DNAAF5: variants seen among roughly 807,000 people sequenced by gnomAD.
DNAAF5 encodes dynein axonemal assembly factor 5, also known as HEAT repeat containing 2.
In DNAAF5, 64 loss-of-function variants were observed where a neutral mutation model predicts 75.8. The observed-to-expected ratio is 0.84, with a 90% CI of 0.69 to 1.04. The LOEUF (loss-of-function observed/expected upper bound fraction) is 1.04. Ranked by LOEUF, DNAAF5 falls within the 50% of genes least tolerant of loss-of-function variation. DNAAF5 has a pLI of 0.00. For synonymous variants in DNAAF5, 657 were observed against 557.2 expected (o/e 1.18, Z -2.52); for missense variants, 1,269 against 1,178.5 (o/e 1.08, Z -1.12).
chr7:756,213 G>T (rs1433192712), intron 5 of DNAAF5, among the ~76,000 whole-genome samples: 3 of 142,212 alleles, frequency 2.1e-5, no homozygotes, highest in Non-Finnish European at 4.5e-5. Flanking sequence ...ATCCCATGGT[G>T]CAGAGGGGCT....
At chr7:764,637 T>C (rs1782766068) in intron 8 of DNAAF5, among the ~76,000 whole-genome samples, 1 of 152,248 alleles carries the variant, frequency 6.6e-6, no homozygotes, top group South Asian at 2.1e-4. Flanking sequence ...AGGGTGGTCG[T>C]GCTCTGCATC....
At position 741,627 on chromosome 7, in the gene DNAAF5, C is replaced by G. The variant is rs73669620; in HGVS notation, c.1024+162C>G. On this transcript the variant is annotated intron_variant, in intron 4 of 12. Transcript: ENST00000297440. ...CCCACTGGGCTGGGGCTCCTGCATC[C>G]TGGGCAGAGCACGTCTCTCCTCAGC... Among the ~76,000 whole-genome samples, 736 of 152,352 alleles carry G rather than the reference C, an allele frequency of 4.8e-3. 7 individuals carry two copies. Among genetic ancestry groups the G allele is most frequent in the African/African-American group, 0.017 (689 of 41,576 alleles).
At chr7:742,806 T>C (rs1781952607) in intron 4 of DNAAF5, among the ~76,000 whole-genome samples, 1 of 145,556 alleles carries the variant, frequency 6.9e-6, no homozygotes, top group African/African-American at 2.6e-5. Context: ...CATGCCCAGC[T>C]CAAATCACAT....
At chr7:741,566 G>C in intron 4 of DNAAF5, 101 bp downstream of exon 4, 1 of 742,074 alleles carries the variant, frequency 1.3e-6, no homozygotes, top group South Asian at 1.8e-5. Flanking sequence ...GCAGTTCTGA[G>C]CCCAGGCGGC....
chr7:743,626 A>G (rs1314000073), intron 4 of DNAAF5, among the ~76,000 whole-genome samples: 5 of 149,820 alleles, frequency 3.3e-5, no homozygotes, highest in Non-Finnish European at 5.9e-5. Flanking sequence ...GAGTGAAGCC[A>G]GTGAGAACGC....
chr7:741,436 C>CCCCCCCCCCCCCCCCCAAA lies in DNAAF5; in HGVS notation c.995_996insCCCCCCCCCCCCCCCCAAA (p.Thr334ProfsTer15). The CCCCCCCCCCCCCCCCCAAA allele has an allele frequency of 6.4e-7, 1 of 1,557,672 alleles. No individual in the cohort carries two copies. The highest frequency in any genetic ancestry group is 8.7e-7 in the Non-Finnish European group (1 of 1,147,650). ...CTGAAGGACAAGCTGGACTTTGCCC[C>CCCCCCCCCCCCCCCCCAAA]TCCCACCCCACCCCATTACCCTCCA... On this transcript the variant is annotated frameshift_variant, in exon 4 of 13. Transcript: ENST00000297440. LOFTEE classifies it high-confidence loss of function.
In DNAAF5 at chr7:761,913, T is replaced by C; in HGVS notation, c.1614+17T>C. 4 of 1,559,596 alleles carry C rather than the reference T, an allele frequency of 2.6e-6. No individual in the cohort carries two copies. The highest frequency in any genetic ancestry group is 3.5e-6 in the Non-Finnish European group (4 of 1,152,590). Reference sequence around the variant, plus strand: ...AGGGACAAGGTAAGGCTGACAGTGGTGGCTGCTGCTTGACCTAGCGGAGCT... The same window carrying C: ...AGGGACAAGGTAAGGCTGACAGTGGCGGCTGCTGCTTGACCTAGCGGAGCT... On this transcript the variant is annotated intron_variant, in intron 7 of 12. Coordinates refer to ENST00000297440, the MANE Select transcript of DNAAF5 (RefSeq NM_017802.4).
intron 6 of DNAAF5, among the ~76,000 whole-genome samples, chr7:759,750 G>A (rs1782587479): frequency 6.6e-6 from 1 of 152,168 alleles, no homozygotes; most frequent in Non-Finnish European, 1.5e-5. Flanking sequence ...TGGCAGGAGG[G>A]TGGTGCTTGC....
chr7:782,068 G>C (rs1228760256), intron 12 of DNAAF5, among the ~76,000 whole-genome samples: 1 of 152,226 alleles, frequency 6.6e-6, no homozygotes, highest in Non-Finnish European at 1.5e-5. Flanking sequence ...AGCTGCGTCC[G>C]GTTTCCCGGC....
chr7:742,826 AAATCAATCATGCCCAG>A (rs1282051946), intron 4 of DNAAF5, among the ~76,000 whole-genome samples: 4 of 8,364 alleles, frequency 4.8e-4, no homozygotes, highest in Non-Finnish European at 1.7e-3. Flanking sequence ...TGCCCCGCTC[AAATCAATCATGCCCAG>A]CTCAAATCAA....
Position 726,855 on chromosome 7 carries a change from C to A in DNAAF5, c.135C>A (p.Gly45=). The A allele has an allele frequency of 1.5e-6, 2 of 1,318,806 alleles. No individual in the cohort carries two copies. The highest frequency in any genetic ancestry group is 1.9e-6 in the Non-Finnish European group (2 of 1,037,216). The allele number at this position is 1,318,806 out of a possible 1,614,324, so 81.7% of individuals were successfully genotyped here. ...GGCTGGAGGCCGACAGCAAGCCGGG[C>A]CGGCGGCGCGCCTTGGAGGCCCTGC... ...LPGLEADSKP[G]RRRALEALRR... is the part of the protein sequence containing the mutation. The change falls in exon 1 of 13, where the codon GGC becomes GGA. Residue 45 remains glycine (G), a synonymous_variant. Coordinates refer to ENST00000297440, the MANE Select transcript of DNAAF5 (RefSeq NM_017802.4).
Position 727,081 on chromosome 7 carries a change from C to T in DNAAF5, c.361C>T (p.Leu121Phe). 1 of 1,045,472 alleles carries T rather than the reference C, an allele frequency of 9.6e-7. No individual in the cohort carries two copies. Among genetic ancestry groups the T allele is most frequent in the East Asian group, 8.1e-5 (1 of 12,314 alleles). 64.8% of individuals were successfully genotyped at this position (1,045,472 alleles called of 1,614,324 possible). A position where few individuals can be genotyped will look rare whatever the true frequency, so the allele number is the denominator to read the frequency against. ...TGCCCTGCCGCGCCTGCTGCCCGCGCTCGCCGCGCGCTTGGCCGGCCCCGT... is the reference window on the plus strand; with the variant it reads ...TGCCCTGCCGCGCCTGCTGCCCGCGTTCGCCGCGCGCTTGGCCGGCCCCGT... ...RDALPRLLPA[L>F]AARLAGPVPA... The change falls in exon 1 of 13, where the codon CTC becomes TTC. Residue 121 changes from leucine (L) to phenylalanine (F), a missense_variant. By Grantham distance (22) the Leu-to-Phe change is conservative. Transcript: ENST00000297440.
intron 4 of DNAAF5, among the ~76,000 whole-genome samples, chr7:751,152 A>G (rs1022005770): frequency 6.6e-6 from 1 of 152,064 alleles, no homozygotes; most frequent in Admixed American, 6.5e-5. Context: ...CTGCATTTCA[A>G]AAAAAAACGA....
chr7:753,186 G>A (rs977934045), intron 4 of DNAAF5, among the ~76,000 whole-genome samples: 4 of 152,172 alleles, frequency 2.6e-5, no homozygotes, highest in Admixed American at 2.0e-4. Flanking sequence ...ATTTGTCCCG[G>A]CACAGTGAAA....
intron 6 of DNAAF5, among the ~76,000 whole-genome samples, chr7:760,150 G>C (rs1252044550): frequency 2.0e-5 from 3 of 152,016 alleles, no homozygotes; most frequent in South Asian, 4.1e-4. Flanking sequence ...ATGCAGCTCT[G>C]TGTCTTCTGT....
At chr7:784,780 C>G (rs570711134) in intron 12 of DNAAF5, among the ~76,000 whole-genome samples, 1 of 152,326 alleles carries the variant, frequency 6.6e-6, no homozygotes, top group South Asian at 2.1e-4. Flanking sequence ...TTTTTCTGAG[C>G]CTATTTGCTC....
At chr7:770,747 G>A in intron 9 of DNAAF5, 129 bp downstream of exon 9, 1 of 869,758 alleles carries the variant, frequency 1.1e-6, no homozygotes, top group Non-Finnish European at 1.7e-6. Context: ...CTGCGCAAGG[G>A]GTTCCCCATC....
At chr7:763,380 T>C (rs931440049) in intron 7 of DNAAF5, among the ~76,000 whole-genome samples, 5 of 152,156 alleles carry the variant, frequency 3.3e-5, no homozygotes, top group Admixed American at 6.5e-5. Context: ...AAGGTTATCA[T>C]CTCTGTCTGC....
intron 8 of DNAAF5, chr7:769,300 C>T (rs1007434126): frequency 3.0e-6 from 2 of 677,394 alleles, no homozygotes; most frequent in Non-Finnish European, 5.4e-6. Context: ...CCAGTCCCCA[C>T]CCTGAGCCTT....
Sources: allele counts gnomAD v4.1 joint callset (sites outside exome capture counted in the v4.1 genomes callset), GRCh38; gene constraint gnomAD v4.1.1; transcripts MANE v1.5; gene names NCBI Gene and HGNC (gene_info 2026-07-23, HGNC 2026-07-21).